The following PCA3 variants were observed in gnomAD, a reference collection of about 807,000 sequenced individuals.
PCA3 encodes the protein Differential Display code 3.
intron 2 of PCA3, among the ~76,000 whole-genome samples, chr9:76,780,883 C>A (rs909826884): frequency 9.9e-5 from 15 of 152,182 alleles, no homozygotes; most frequent in African/African-American, 3.6e-4. Flanking sequence ...GGCTACGCTG[C>A]AACCTAGGGT....
intron 2 of PCA3, chr9:76,784,462 C>G (rs536561378): frequency 6.6e-6 from 1 of 152,322 alleles, no homozygotes; most frequent in South Asian, 2.1e-4. Flanking sequence ...GCTGCCTAAA[C>G]TGTGCGTTCA....
At chr9:76,768,036 C>T (rs568682448) in intron 2 of PCA3, among the ~76,000 whole-genome samples, 12 of 152,268 alleles carry the variant, frequency 7.9e-5, no homozygotes, top group African/African-American at 2.2e-4. Context: ...TGCATCACAG[C>T]GGCAGGTCAG....
chr9:76,781,399 C>T (rs2054377879), intron 2 of PCA3, among the ~76,000 whole-genome samples: 1 of 152,194 alleles, frequency 6.6e-6, no homozygotes, highest in Non-Finnish European at 1.5e-5. Flanking sequence ...AATTTTCTTT[C>T]AGTTTCCTGA....
intron 2 of PCA3, among the ~76,000 whole-genome samples, chr9:76,775,841 T>A (rs2053673515): frequency 6.6e-6 from 1 of 152,198 alleles, no homozygotes; most frequent in African/African-American, 2.4e-5. Context: ...TAACACATCC[T>A]TCTCTAGCCT....
chr9:76,776,499 C>CT (rs58566943), intron 2 of PCA3, among the ~76,000 whole-genome samples: 44 of 136,434 alleles, frequency 3.2e-4, no homozygotes, highest in Non-Finnish European at 3.3e-4. Context: ...ACCACATTTT[C>CT]TTTTTTTTTT....
At chr9:76,776,894 AC>A (rs1421704812) in intron 2 of PCA3, among the ~76,000 whole-genome samples, 3 of 4,946 alleles carry the variant, frequency 6.1e-4, no homozygotes, top group African/African-American at 3.7e-3. Context: ...CAAAACACAT[AC>A]ACACACACAC....
chr9:76,779,570 T>A (rs187198125), intron 2 of PCA3: 1 of 152,192 alleles, frequency 6.6e-6, no homozygotes, highest in African/African-American at 2.4e-5. Flanking sequence ...AGGACAGCAT[T>A]GTGGCTTGGA....
At chr9:76,768,524 C>G (rs1346624310) in intron 2 of PCA3, among the ~76,000 whole-genome samples, 1 of 151,624 alleles carries the variant, frequency 6.6e-6, no homozygotes, top group Non-Finnish European at 1.5e-5. Flanking sequence ...CTGTCTGCAG[C>G]CGCACCTAGA....
intron 2 of PCA3, chr9:76,779,625 T>A (rs1471172773): frequency 6.6e-6 from 1 of 152,224 alleles, no homozygotes. Context: ...GAAACCTCCA[T>A]GACAGGAATC....
At chr9:76,776,862 T>C (rs2131088813) in intron 2 of PCA3, among the ~76,000 whole-genome samples, 1 of 149,300 alleles carries the variant, frequency 6.7e-6, no homozygotes, top group African/African-American at 2.5e-5. Flanking sequence ...TGAAGCTTTC[T>C]CTTGAGTTTC....
intron 2 of PCA3, among the ~76,000 whole-genome samples, chr9:76,769,893 A>G (rs1317456667): frequency 6.6e-6 from 1 of 152,132 alleles, no homozygotes; most frequent in Non-Finnish European, 1.5e-5. Context: ...TCTCAAAAAT[A>G]CTTTAAAATA....
chr9:76,772,303 A>G (rs534366778), intron 2 of PCA3, among the ~76,000 whole-genome samples: 50 of 152,298 alleles, frequency 3.3e-4, no homozygotes, highest in Non-Finnish European at 6.3e-4. Flanking sequence ...GGACTCTTCA[A>G]TAGTTACAAT....
intron 2 of PCA3, chr9:76,778,361 G>C (rs553926494): frequency 6.6e-6 from 1 of 152,300 alleles, no homozygotes; most frequent in Non-Finnish European, 1.5e-5. Flanking sequence ...TAATTCACTG[G>C]CATGGATGAT....
intron 2 of PCA3, among the ~76,000 whole-genome samples, chr9:76,774,462 T>TA (rs1554761662): frequency 0.42 from 43,375 of 104,078 alleles, 8,828 homozygotes; most frequent in African/African-American, 0.61. Context: ...TTTTTTTTTT[T>TA]TTTTTTTTTT....
At chr9:76,781,398 TCA>T (rs1396110074) in intron 2 of PCA3, among the ~76,000 whole-genome samples, 1 of 152,180 alleles carries the variant, frequency 6.6e-6, no homozygotes. Flanking sequence ...GAATTTTCTT[TCA>T]GTTTCCTGAA....
At chr9:76,782,110 A>G (rs2054479451) in intron 2 of PCA3, among the ~76,000 whole-genome samples, 1 of 152,142 alleles carries the variant, frequency 6.6e-6, no homozygotes, top group Non-Finnish European at 1.5e-5. Context: ...GCTACTGGGG[A>G]GGCTGAGGCA....
At chr9:76,776,893 T>TACAC (rs541232508) in intron 2 of PCA3, among the ~76,000 whole-genome samples, 10,845 of 115,278 alleles carry the variant, frequency 0.094, 669 homozygotes, top group Non-Finnish European at 0.12. Context: ...CCAAAACACA[T>TACAC]ACACACACAC....
At chr9:76,786,218 C>G (rs2054959951) in intron 2 of PCA3, 1 of 148,564 alleles carries the variant, frequency 6.7e-6, no homozygotes, top group Non-Finnish European at 1.5e-5. Context: ...GAACTTCTGT[C>G]CCTCTTTGTG....
intron 2 of PCA3, among the ~76,000 whole-genome samples, chr9:76,767,195 T>C (rs1564252808): frequency 6.6e-6 from 1 of 152,206 alleles, no homozygotes; most frequent in African/African-American, 2.4e-5. Flanking sequence ...GTCACGCCTG[T>C]AATCCCAGCA....
Sources: gnomAD v4.1 joint callset for allele counts (sites outside exome capture counted in the v4.1 genomes callset) on GRCh38, gnomAD v4.1.1 for gene constraint, MANE v1.5 for transcripts, NCBI Gene and HGNC (gene_info 2026-07-23, HGNC 2026-07-21) for gene names.